THSD7B: variants seen among roughly 807,000 people sequenced by gnomAD.
The protein encoded by THSD7B is thrombospondin type 1 domain containing 7B, also known as thrombospondin type-1 domain-containing protein 7B.
THSD7B carries 138 observed loss-of-function variants against 213.6 expected under a neutral mutation model. The observed-to-expected ratio is 0.65, with a 90% CI of 0.56 to 0.74. The LOEUF is 0.74. Ranked by LOEUF, THSD7B falls within the 30% of genes least tolerant of loss-of-function variation. The pLI, the probability that THSD7B is intolerant of heterozygous loss-of-function variation, is 0.00. For missense variants in THSD7B, 1,931 were observed against 1,991.5 expected (o/e 0.97, Z 0.58); for synonymous variants, 742 against 687.0 (o/e 1.08, Z -1.25).
At chr2:136,988,464 C>T (rs1685706006) in intron 2 of THSD7B, among the ~76,000 whole-genome samples, 1 of 152,172 alleles carries the variant, frequency 6.6e-6, no homozygotes, top group Non-Finnish European at 1.5e-5. Context: ...TTTGAGATTG[C>T]TGAATCTTTT....
intron 1 of THSD7B, among the ~76,000 whole-genome samples, chr2:136,824,641 A>G (rs1682614280): frequency 6.6e-6 from 1 of 152,204 alleles, no homozygotes; most frequent in Admixed American, 6.5e-5. Context: ...TGTTTCTGAT[A>G]GCTAAGGGTG....
chr2:137,398,849 C>G (rs531098557), intron 12 of THSD7B, among the ~76,000 whole-genome samples: 6 of 152,184 alleles, frequency 3.9e-5, no homozygotes, highest in Admixed American at 3.9e-4. Flanking sequence ...AAGCCAGGTG[C>G]GGGATATAAT....
At chr2:137,213,716 C>T (rs1311950954) in intron 7 of THSD7B, among the ~76,000 whole-genome samples, 1 of 151,980 alleles carries the variant, frequency 6.6e-6, no homozygotes, top group Admixed American at 6.6e-5. Context: ...GTTTTCAAAT[C>T]TTGCTCATGG....
intron 17 of THSD7B, among the ~76,000 whole-genome samples, chr2:137,598,854 T>G (rs1307892089): frequency 6.7e-6 from 1 of 149,430 alleles, no homozygotes; most frequent in Non-Finnish European, 1.5e-5. Context: ...CTTCTTTTTT[T>G]TCTTTTATGT....
At chr2:137,460,972 T>C (rs1316234270) in intron 15 of THSD7B, among the ~76,000 whole-genome samples, 1 of 152,168 alleles carries the variant, frequency 6.6e-6, no homozygotes, top group Non-Finnish European at 1.5e-5. Context: ...TTGCATTATG[T>C]ACTCTTTCAC....
intron 12 of THSD7B, among the ~76,000 whole-genome samples, chr2:137,286,737 G>A (rs1207586103): frequency 6.6e-6 from 1 of 152,162 alleles, no homozygotes; most frequent in African/African-American, 2.4e-5. Context: ...GGGAAAGAAA[G>A]TAGAGTAGTT....
intron 2 of THSD7B, among the ~76,000 whole-genome samples, chr2:136,989,744 G>A (rs1189500703): frequency 2.0e-5 from 3 of 152,152 alleles, no homozygotes; most frequent in Admixed American, 6.5e-5. Context: ...AAGGGAATTT[G>A]AATTTATTCC....
At chr2:136,845,306 C>T (rs1682989443) in intron 1 of THSD7B, among the ~76,000 whole-genome samples, 1 of 152,134 alleles carries the variant, frequency 6.6e-6, no homozygotes, top group Non-Finnish European at 1.5e-5. Flanking sequence ...TAACAGTGGG[C>T]ATTATTATGC....
chr2:137,665,979 A>G (rs1357696186), intron 26 of THSD7B, among the ~76,000 whole-genome samples: 5 of 152,174 alleles, frequency 3.3e-5, no homozygotes, highest in Non-Finnish European at 7.4e-5. Context: ...TATACAGAGA[A>G]AAACTAGAAA....
chr2:136,873,225 A>G (rs551140831), intron 1 of THSD7B, among the ~76,000 whole-genome samples: 1 of 152,274 alleles, frequency 6.6e-6, no homozygotes, highest in African/African-American at 2.4e-5. Context: ...CTGTGACTTC[A>G]TTACATGACA....
chr2:137,390,089 C>G (rs1022791251), intron 12 of THSD7B, among the ~76,000 whole-genome samples: 1 of 152,004 alleles, frequency 6.6e-6, no homozygotes, highest in African/African-American at 2.4e-5. Context: ...GTGAAAAAAA[C>G]GACATTGGTA....
intron 2 of THSD7B, among the ~76,000 whole-genome samples, chr2:136,967,335 C>A (rs1046692446): frequency 6.6e-6 from 1 of 152,132 alleles, no homozygotes; most frequent in African/African-American, 2.4e-5. Context: ...TTTATCCTAC[C>A]AATCACCTGA....
chr2:137,193,377 T>G (rs1283120409), intron 7 of THSD7B, among the ~76,000 whole-genome samples: 1 of 152,212 alleles, frequency 6.6e-6, no homozygotes, highest in African/African-American at 2.4e-5. Context: ...GTGGAATAAT[T>G]AAGTCAAACT....
At chr2:136,793,241 C>G (rs183234420) in intron 1 of THSD7B, among the ~76,000 whole-genome samples, 1 of 152,068 alleles carries the variant, frequency 6.6e-6, no homozygotes, top group African/African-American at 2.4e-5. Flanking sequence ...CTTGCCAATA[C>G]TTGGTAATGT....
intron 2 of THSD7B, among the ~76,000 whole-genome samples, chr2:136,889,192 T>TA (rs1683773084): frequency 6.6e-6 from 1 of 152,182 alleles, no homozygotes; most frequent in African/African-American, 2.4e-5. Flanking sequence ...ACTCAATCTT[T>TA]AAAAAACAGG....
intron 15 of THSD7B, among the ~76,000 whole-genome samples, chr2:137,454,476 ATG>A (rs757604019): frequency 4.5e-4 from 66 of 145,328 alleles, no homozygotes; most frequent in Non-Finnish European, 8.8e-4. Context: ...CTATCTATCT[ATG>A]TGTGTGTGTG....
chr2:137,189,644 G>A (rs1032861447), intron 7 of THSD7B, among the ~76,000 whole-genome samples: 6 of 151,608 alleles, frequency 4.0e-5, no homozygotes, highest in Non-Finnish European at 5.9e-5. Flanking sequence ...TGGTCACTTC[G>A]TACCCGTCTC....
chr2:136,970,084 A>G (rs1469071824), intron 2 of THSD7B, among the ~76,000 whole-genome samples: 1 of 152,214 alleles, frequency 6.6e-6, no homozygotes, highest in Non-Finnish European at 1.5e-5. Flanking sequence ...TTAAAAATAT[A>G]AACACTCAGA....
At chr2:137,173,363 A>G (rs1680300576) in intron 7 of THSD7B, among the ~76,000 whole-genome samples, 1 of 152,040 alleles carries the variant, frequency 6.6e-6, no homozygotes, top group South Asian at 2.1e-4. Context: ...GTGATAAATG[A>G]CTCTCATGCT....
Sources: allele counts gnomAD v4.1 joint callset (sites outside exome capture counted in the v4.1 genomes callset), GRCh38; gene constraint gnomAD v4.1.1; transcripts MANE v1.5; gene names NCBI Gene and HGNC (gene_info 2026-07-23, HGNC 2026-07-21).